The following SKIC8 variants were observed in gnomAD, a reference collection of about 807,000 sequenced individuals.
SKIC8 encodes SKI8 subunit of superkiller complex.
the SKIC8 span, chr15:78,292,724 C>T: frequency 1.2e-6 from 2 of 1,614,052 alleles, no homozygotes; most frequent in Non-Finnish European, 1.7e-6. Context: ...TGGCTGATGT[C>T]CACAGACACC....
chr15:78,290,359 T>G, the SKIC8 span, among the ~76,000 whole-genome samples: 1 of 152,220 alleles, frequency 6.6e-6, no homozygotes, highest in Non-Finnish European at 1.5e-5. Flanking sequence ...CTGGTGGGAA[T>G]GTAAAACGGC....
At chr15:78,287,730 A>C in the SKIC8 span, among the ~76,000 whole-genome samples, 1 of 152,182 alleles carries the variant, frequency 6.6e-6, no homozygotes, top group Non-Finnish European at 1.5e-5. Flanking sequence ...GAAAAGAAGA[A>C]GACATAGGGG....
At chr15:78,289,421 C>A in the SKIC8 span, among the ~76,000 whole-genome samples, 1 of 151,758 alleles carries the variant, frequency 6.6e-6, no homozygotes, top group East Asian at 1.9e-4. Flanking sequence ...AGAAAACAAA[C>A]AAACAAACAA....
the SKIC8 span, among the ~76,000 whole-genome samples, chr15:78,298,118 G>A: frequency 6.6e-6 from 1 of 152,100 alleles, no homozygotes; most frequent in African/African-American, 2.4e-5. Flanking sequence ...GCTCAAGCCA[G>A]TTTGGCTAAT....
chr15:78,295,432 T>TTA, the SKIC8 span: 1 of 639,332 alleles, frequency 1.6e-6, no homozygotes. Context: ...CAACATCTTT[T>TTA]AAGCTTCTTC....
chr15:78,285,409 C>CT, the SKIC8 span: 1 of 1,390,198 alleles, frequency 7.2e-7, no homozygotes, highest in South Asian at 1.2e-5. Flanking sequence ...CCTTTGATGA[C>CT]TTACATTCTT....
At chr15:78,292,464 A>C in the SKIC8 span, 1 of 788,238 alleles carries the variant, frequency 1.3e-6, no homozygotes, top group Non-Finnish European at 2.1e-6. Flanking sequence ...TTCCAGCCCC[A>C]CTGAGGGTAT....
chr15:78,292,819 T>A, the SKIC8 span: 35 of 1,609,336 alleles, frequency 2.2e-5, no homozygotes, highest in Non-Finnish European at 2.8e-5. Context: ...ATGGATTTCT[T>A]CACAAAGAAC....
At chr15:78,290,154 T>A in the SKIC8 span, 1 of 1,540,486 alleles carries the variant, frequency 6.5e-7, no homozygotes. Flanking sequence ...GGCCTTAATT[T>A]TAAAAACTAA....
the SKIC8 span, among the ~76,000 whole-genome samples, chr15:78,287,349 T>C: frequency 6.6e-6 from 1 of 152,122 alleles, no homozygotes; most frequent in African/African-American, 2.4e-5. Context: ...GCAGTTAGAA[T>C]TCTATGTCTA....
chr15:78,285,950 G>T, the SKIC8 span: 2 of 1,078,536 alleles, frequency 1.9e-6, no homozygotes, highest in African/African-American at 1.6e-5. Flanking sequence ...ATAAAAAAGG[G>T]TCAAACATCT....
At chr15:78,292,937 CTGCCAGGTTTT>C in the SKIC8 span, 1 of 1,033,880 alleles carries the variant, frequency 9.7e-7, no homozygotes, top group South Asian at 1.7e-5. Context: ...ACACCAAATG[CTGCCAGGTTTT>C]AAATGTAGGA....
the SKIC8 span, chr15:78,288,863 G>C: frequency 7.0e-6 from 3 of 429,258 alleles, no homozygotes; most frequent in African/African-American, 4.1e-5. Context: ...TAGCTACCCA[G>C]TCCTCCTTTC....
At chr15:78,289,588 C>T in the SKIC8 span, 2 of 1,492,316 alleles carry the variant, frequency 1.3e-6, no homozygotes, top group Middle Eastern at 1.7e-4. Context: ...TTTGATAACC[C>T]AGTTTGTCAA....
chr15:78,295,919 T>C, the SKIC8 span: 2 of 450,504 alleles, frequency 4.4e-6, no homozygotes, highest in African/African-American at 4.0e-5. Context: ...CCTCTGAACC[T>C]AGGGACTCAA....
the SKIC8 span, among the ~76,000 whole-genome samples, chr15:78,287,062 A>G: frequency 6.6e-6 from 1 of 152,190 alleles, no homozygotes; most frequent in Non-Finnish European, 1.5e-5. Context: ...ATTGGGTGAA[A>G]AAAACATTCT....
chr15:78,297,470 T>A, the SKIC8 span, among the ~76,000 whole-genome samples: 1 of 152,206 alleles, frequency 6.6e-6, no homozygotes, highest in East Asian at 1.9e-4. Context: ...ATGCTAAAAT[T>A]TTATCAAAAT....
chr15:78,293,053 G>T, the SKIC8 span: 2 of 940,478 alleles, frequency 2.1e-6, no homozygotes, highest in East Asian at 2.5e-5. Context: ...CCACCATATT[G>T]CTATTGCTTT....
the SKIC8 span, chr15:78,283,287 A>G: frequency 1.7e-6 from 1 of 601,156 alleles, no homozygotes; most frequent in African/African-American, 1.9e-5. Flanking sequence ...CCAATAAAAC[A>G]TGAAAAGATT....
Sources: allele counts gnomAD v4.1 joint callset (sites outside exome capture counted in the v4.1 genomes callset), GRCh38; gene constraint gnomAD v4.1.1; transcripts MANE v1.5; gene names NCBI Gene and HGNC (gene_info 2026-07-23, HGNC 2026-07-21).